Variants in COL5A3 observed in about 807,000 individuals in gnomAD.
COL5A3 encodes collagen alpha-3(V) chain.
Under a neutral mutation model 250.0 loss-of-function variants are expected in COL5A3, and 172 were observed. The ratio of observed to expected loss-of-function variants is 0.69; its 90% confidence interval spans 0.61 to 0.78. The LOEUF (loss-of-function observed/expected upper bound fraction) is 0.78. Ranked by LOEUF, COL5A3 falls within the 30% of genes least tolerant of loss-of-function variation. The pLI, the probability that COL5A3 is intolerant of heterozygous loss-of-function variation, is 0.00. For synonymous variants in COL5A3, 937 were observed against 900.4 expected, an observed-to-expected ratio of 1.04 and a Z score of -0.73; for missense variants, 2,340 against 2,334.4, an observed-to-expected ratio of 1.00 and a Z score of -0.05.
intron 27 of COL5A3, among the ~76,000 whole-genome samples, chr19:9,987,465 G>A (rs2145111379): frequency 6.6e-6 from 1 of 152,240 alleles, no homozygotes; most frequent in South Asian, 2.1e-4. Flanking sequence ...GGCTGGGCAT[G>A]GTGGCTTACA....
chr19:9,979,125 G>T lies in COL5A3; in HGVS notation c.2874+7C>A. ...TCAACCAAGATCTCCAGTGGACAGT[G>T]TCTCACCTTGGCCCCCTCTCTGCCT... On this transcript the variant is annotated splice_region_variant and intron_variant, in intron 39 of 66. Coordinates refer to ENST00000264828, the MANE Select transcript of COL5A3 (RefSeq NM_015719.4). The T allele has an allele frequency of 6.4e-7, 1 of 1,566,266 alleles. No homozygotes were observed. The highest frequency in any genetic ancestry group is 1.7e-4 in the Middle Eastern group (1 of 5,736).
chr19:9,960,274 A>T lies in COL5A3; in HGVS notation c.*137T>A. 9.4e-7 allele frequency: 1 copy of T among 1,064,604 alleles called. No homozygotes were observed. The highest frequency in any genetic ancestry group is 1.4e-6 in the Non-Finnish European group (1 of 737,990). The allele number at this position is 1,064,604 out of a possible 1,614,324, so 65.9% of individuals were successfully genotyped here. A position where few individuals can be genotyped will look rare whatever the true frequency, so the allele number is the denominator to read the frequency against. ...AGCACCCTGGAAAGGAGAAGGAATGACTGTCCGTGATGAGCGAAGTCACAT... is the reference window on the plus strand; with the variant it reads ...AGCACCCTGGAAAGGAGAAGGAATGTCTGTCCGTGATGAGCGAAGTCACAT... On this transcript the variant is annotated 3_prime_UTR_variant, in exon 67 of 67. Coordinates refer to ENST00000264828, the MANE Select transcript of COL5A3 (RefSeq NM_015719.4).
chr19:10,001,222 T>C (rs947522152), intron 8 of COL5A3, among the ~76,000 whole-genome samples: 6 of 152,142 alleles, frequency 3.9e-5, no homozygotes, highest in Non-Finnish European at 5.9e-5. Flanking sequence ...CTTGGCTCAT[T>C]GCAGCCTCTG....
rs985919439 is a variant in COL5A3, at chr19:9,967,850, T to A, written c.4404+54A>T. 6.4e-6 allele frequency: 10 copies of A among 1,562,540 alleles called. No individual in the cohort carries two copies. The African/African-American group carries it at 1.4e-4, about 21-fold the overall frequency. Reference sequence around the variant, plus strand: ...AGAGACGTGGAGGGTTCTGGTGCAGTGAAGGGGGTGGGGAGCTGGGATGTG... The same window carrying A: ...AGAGACGTGGAGGGTTCTGGTGCAGAGAAGGGGGTGGGGAGCTGGGATGTG... On this transcript the variant is annotated intron_variant, in intron 61 of 66. Transcript: ENST00000264828.
chr19:9,986,568 C>G lies in COL5A3; in HGVS notation c.2229G>C (p.Gly743=). The part of the protein sequence containing the change: ...DGFPGFKGDV[G]LKGDQGKPGA... ...CTGGTCTTACCTGATCACCTTTGAG[C>G]CCCACATCGCCCTTGAAGCCTGGGA... The change falls in exon 29 of 67, where the codon GGG becomes GGC. Residue 743 remains glycine (G), a synonymous_variant. Transcript: ENST00000264828. 2 of 1,613,992 alleles carry G rather than the reference C, an allele frequency of 1.2e-6. No individual in the cohort carries two copies. The highest frequency in any genetic ancestry group is 1.7e-6 in the Non-Finnish European group (2 of 1,179,998).
chr19:9,988,855 A>AAGAGAGAGAGAGAAAG (rs1555738986), intron 27 of COL5A3, among the ~76,000 whole-genome samples: 1 of 104,740 alleles, frequency 9.5e-6, no homozygotes, highest in African/African-American at 4.5e-5. Context: ...AAAAAAAAAA[A>AAGAGAGAGAGAGAAAG]AAAGAAAGTA....
intron 64 of COL5A3, among the ~76,000 whole-genome samples, chr19:9,963,288 T>A (rs1456020906): frequency 1.3e-5 from 2 of 152,022 alleles, no homozygotes; most frequent in African/African-American, 2.4e-5. Flanking sequence ...AGTGACATAA[T>A]CATAGTTCAC....
In COL5A3 at chr19:9,967,747, C is replaced by G; in HGVS notation, c.4404+157G>C. ...TCTTATAATTGATGGCATTTTGGAT[C>G]TGATGAAATACAACCGTAGGTGTTG... is the stretch of plus-strand genomic sequence containing the variant. On this transcript the variant is annotated intron_variant, in intron 61 of 66. Coordinates refer to ENST00000264828, the MANE Select transcript of COL5A3 (RefSeq NM_015719.4). 5 of 693,886 alleles carry G rather than the reference C, an allele frequency of 7.2e-6. No homozygotes were observed. The South Asian group carries it at 1.2e-4, about 17-fold the overall frequency. The allele number at this position is 693,886 out of a possible 1,614,324, so 43.0% of individuals were successfully genotyped here. A position where few individuals can be genotyped will look rare whatever the true frequency, so the allele number is the denominator to read the frequency against.
chr19:9,970,134 T>G (rs1599532733), intron 54 of COL5A3, among the ~76,000 whole-genome samples: 1 of 13,754 alleles, frequency 7.3e-5, no homozygotes. Context: ...TGTGGGTGAG[T>G]GGAGGCTGTG....
chr19:9,979,710 T>G (rs2086977805), intron 37 of COL5A3, 129 bp downstream of exon 37: 1 of 909,900 alleles, frequency 1.1e-6, no homozygotes, highest in Non-Finnish European at 1.7e-6. Context: ...TGCTTGAACC[T>G]GGGAGGCAAA....
At chr19:9,972,672 C>G (rs2086869454) in intron 51 of COL5A3, among the ~76,000 whole-genome samples, 1 of 149,560 alleles carries the variant, frequency 6.7e-6, no homozygotes, top group Non-Finnish European at 1.5e-5. Flanking sequence ...CCCATCTCTA[C>G]TAAAAATACA....
In COL5A3 at chr19:9,985,950, G is replaced by A. The variant is rs73922295; in HGVS notation, c.2353-55C>T. The A allele has an allele frequency of 6.3e-3, 9,617 of 1,534,404 alleles. 494 individuals carry two copies. The African/African-American group carries it at 0.12, about 19-fold the overall frequency. On this transcript the variant is annotated intron_variant, in intron 30 of 66. Transcript: ENST00000264828. ...AAATTGCAACCTGGAGGTCAGAGGC[G>A]GAAAGGTCAGGCTGGCTGGGGCATG... is the stretch of plus-strand genomic sequence containing the variant.
intron 31 of COL5A3, among the ~76,000 whole-genome samples, chr19:9,985,385 C>T (rs148727756): frequency 3.4e-4 from 52 of 151,416 alleles, no homozygotes; most frequent in African/African-American, 1.2e-3. Context: ...CTCAGCCTCC[C>T]GAGTGGCTAG....
Position 9,996,452 on chromosome 19 carries a change from G to A in COL5A3, c.1403C>T (p.Ala468Val). The change falls in exon 13 of 67, where the codon GCA becomes GTA. Residue 468 changes from alanine (A) to valine (V), a missense_variant. Ala to Val is a moderately conservative substitution (Grantham distance 64). Coordinates refer to ENST00000264828, the MANE Select transcript of COL5A3 (RefSeq NM_015719.4). ...PVSFQQAQAQ[A>V]VLQQTQLSMK... is the part of the protein sequence containing the mutation. The stretch of plus-strand genomic sequence containing the variant: ...ACTCACCTGAGTCTGCTGCAGAACT[G>A]CCTGAGCCTGGGCCTGCTGGAATGA... The A allele has an allele frequency of 6.2e-7, 1 of 1,614,020 alleles. No homozygotes were observed. The highest frequency in any genetic ancestry group is 8.5e-7 in the Non-Finnish European group (1 of 1,179,988).
At chr19:9,970,797 AC>A in intron 53 of COL5A3, 122 bp from the exon 54 acceptor site, 1 of 995,836 alleles carries the variant, frequency 1.0e-6, no homozygotes, top group Non-Finnish European at 1.4e-6. Context: ...GGGTACTCCC[AC>A]CTCCCACCTA....
At position 10,003,693 on chromosome 19, in the gene COL5A3, T is replaced by C; in HGVS notation, c.721A>G (p.Thr241Ala). 6.2e-7 allele frequency: 1 copy of C among 1,614,036 alleles called. No individual in the cohort carries two copies. Among genetic ancestry groups the C allele is most frequent in the Non-Finnish European group, 8.5e-7 (1 of 1,180,004 alleles). The stretch of plus-strand genomic sequence containing the variant: ...TTCCCCTTCCGCCGAGGACGAGGGG[T>C]TTCTGGTTCACCCTGGGGAGCCTGG... The part of the protein sequence containing the change: ...ATVAPQGEPE[T>A]PRPRRKGKGK... The change falls in exon 6 of 67, where the codon ACC becomes GCC. Residue 241 changes from threonine (T) to alanine (A), a missense_variant. Physicochemically the swap from Thr to Ala is moderately conservative, Grantham distance 58. Around this residue, in one of 3 missense-constraint regions of COL5A3, gnomAD observed 1,152 missense variants for 1,146.3 expected, o/e 1.00. Transcript: ENST00000264828.
Position 9,996,615 on chromosome 19 carries a change from C to A in COL5A3, c.1338G>T (p.Pro446=), listed in dbSNP as rs755676644. 10 of 1,613,866 alleles carry A rather than the reference C, an allele frequency of 6.2e-6. No individual in the cohort carries two copies. The highest frequency in any genetic ancestry group is 8.5e-7 in the Non-Finnish European group (1 of 1,179,922). The stretch of plus-strand genomic sequence containing the variant: ...CTGGGCCACTCCATCTCCTTCTTAC[C>A]GGCATCATGATCACAGTGCCCGGTG... ...RGPPGTVIMM[P]FQFAGGSFKG... is the part of the protein sequence containing the mutation. The change falls in exon 12 of 67, where the codon CCG becomes CCT. Residue 446 remains proline (P), a splice_region_variant and synonymous_variant. Transcript: ENST00000264828.
intron 8 of COL5A3, among the ~76,000 whole-genome samples, chr19:10,000,510 C>T (rs1321259716): frequency 3.8e-5 from 5 of 130,626 alleles, no homozygotes; most frequent in African/African-American, 1.4e-4. Flanking sequence ...GTTGCCCAGG[C>T]TGGCCTCAAA....
At chr19:9,969,945 G>GA (rs1269138210) in intron 54 of COL5A3, 23 bp from the exon 55 acceptor site, 3 of 1,611,360 alleles carry the variant, frequency 1.9e-6, no homozygotes, top group Non-Finnish European at 2.5e-6. Context: ...AGACAGTGAG[G>GA]GGGGTCTAGG....
Sources: allele counts gnomAD v4.1 joint callset (sites outside exome capture counted in the v4.1 genomes callset), GRCh38; gene constraint gnomAD v4.1.1; regional missense constraint gnomAD v4.1.1; transcripts MANE v1.5; gene names NCBI Gene and HGNC (gene_info 2026-07-23, HGNC 2026-07-21).